Variants in RABGAP1L observed in about 807,000 individuals in gnomAD.
The protein encoded by RABGAP1L is RAB GTPase activating protein 1 like.
In RABGAP1L, 63 loss-of-function variants were observed where a neutral mutation model predicts 137.7. The observed-to-expected ratio is 0.46, with a 90% CI of 0.37 to 0.56. The LOEUF (loss-of-function observed/expected upper bound fraction) is 0.56. RABGAP1L is among the 20% of genes least tolerant of loss of function. RABGAP1L has a pLI of 0.00. For synonymous variants in RABGAP1L, 431 were observed against 433.7 expected, an observed-to-expected ratio of 0.99 and a Z score of 0.08; for missense variants, 1,095 against 1,244.0, an observed-to-expected ratio of 0.88 and a Z score of 1.80.
At position 174,838,917 on chromosome 1, in the gene RABGAP1L, CAAAAAAAAAAAAAAAAAAA is replaced by C. The variant is rs58265128; in HGVS notation, c.2340+26976_2340+26994del. ...TGGGCGACAAAGCGAGACTCCGTCT[CAAAAAAAAAAAAAAAAAAA>C]AAAAAAAAAAAAAAAAAATGACATG... is the stretch of plus-strand genomic sequence containing the variant. On this transcript the variant is annotated intron_variant, in intron 19 of 25. Transcript: ENST00000681986. 5.1e-3 allele frequency among the ~76,000 whole-genome samples: 115 copies of C among 22,458 alleles called. 1 individual carries two copies. The highest frequency in any genetic ancestry group is 9.8e-3 in the South Asian group (4 of 408). 14.7% of individuals were successfully genotyped at this position (22,458 alleles called of 152,430 possible).
chr1:174,200,128 A>G (rs1667996198), intron 1 of RABGAP1L, among the ~76,000 whole-genome samples: 1 of 152,214 alleles, frequency 6.6e-6, no homozygotes, highest in Non-Finnish European at 1.5e-5. Flanking sequence ...TTTTTCTTCC[A>G]TGTTAGACAG....
chr1:174,923,448 T>C (rs982809148), intron 19 of RABGAP1L, among the ~76,000 whole-genome samples: 1 of 152,192 alleles, frequency 6.6e-6, no homozygotes, highest in Non-Finnish European at 1.5e-5. Flanking sequence ...TGAAAGGTTT[T>C]AAACAGTTTA....
intron 11 of RABGAP1L, among the ~76,000 whole-genome samples, chr1:174,335,034 C>T (rs1681356140): frequency 6.6e-6 from 1 of 152,040 alleles, no homozygotes; most frequent in African/African-American, 2.4e-5. Context: ...CAGTTTTTCA[C>T]TATTTGATAT....
At position 174,327,984 on chromosome 1, in the gene RABGAP1L, C is replaced by CATATATATATAT. The variant is rs1314813386; in HGVS notation, c.1465+22858_1465+22859insTATATATATATA. Among the ~76,000 whole-genome samples the CATATATATATAT allele has an allele frequency of 3.4e-4, 13 of 37,856 alleles. 1 individual carries two copies. Among genetic ancestry groups the CATATATATATAT allele is most frequent in the African/African-American group, 1.2e-3 (11 of 9,174 alleles). The allele number at this position is 37,856 out of a possible 152,430, so 24.8% of individuals were successfully genotyped here. A position where few individuals can be genotyped will look rare whatever the true frequency, so the allele number is the denominator to read the frequency against. On this transcript the variant is annotated intron_variant, in intron 11 of 25. Transcript: ENST00000681986. ...ATATATATATATATATATATACACA[C>CATATATATATAT]ACATATATATATATATATATATATA...
At chr1:174,512,787 T>C (rs1192690218) in intron 13 of RABGAP1L, among the ~76,000 whole-genome samples, 3 of 152,194 alleles carry the variant, frequency 2.0e-5, no homozygotes, top group Non-Finnish European at 4.4e-5. Flanking sequence ...AAATGTGTAC[T>C]TTTCTGGAGC....
chr1:174,805,204 A>T (rs1308090476), intron 18 of RABGAP1L, among the ~76,000 whole-genome samples: 1 of 152,232 alleles, frequency 6.6e-6, no homozygotes, highest in Non-Finnish European at 1.5e-5. Flanking sequence ...AATTTGCTTA[A>T]TTCATATCAC....
chr1:174,949,493 G>A (rs1667402768), intron 19 of RABGAP1L, among the ~76,000 whole-genome samples: 1 of 152,216 alleles, frequency 6.6e-6, no homozygotes, highest in Non-Finnish European at 1.5e-5. Flanking sequence ...AGACAATGGT[G>A]ACTTGTGGGT....
At chr1:174,505,218 C>G (rs183896131) in intron 13 of RABGAP1L, among the ~76,000 whole-genome samples, 1 of 152,268 alleles carries the variant, frequency 6.6e-6, no homozygotes, top group East Asian at 1.9e-4. Context: ...CCTTGAGGAG[C>G]CTTACCTTTC....
At chr1:174,162,777 G>GTTTTTTTTTTTTTTTTTTTTTTTTTTCT (rs67811794) in intron 1 of RABGAP1L, among the ~76,000 whole-genome samples, 1 of 51,556 alleles carries the variant, frequency 1.9e-5, no homozygotes, top group African/African-American at 8.1e-5. Context: ...TTCTCTTTCT[G>GTTTTTTTTTTTTTTTTTTTTTTTTTTCT]TTTTTTTTTT....
chr1:174,964,438 G>A (rs890831595), intron 20 of RABGAP1L, among the ~76,000 whole-genome samples: 5 of 152,028 alleles, frequency 3.3e-5, no homozygotes, highest in South Asian at 2.1e-4. Flanking sequence ...AATAAATGAC[G>A]TTCACAATCC....
chr1:174,991,671 T>C lies in RABGAP1L; in HGVS notation c.*1670T>C, dbSNP rs975872822. On this transcript the variant is annotated 3_prime_UTR_variant, in exon 26 of 26. Coordinates refer to ENST00000681986, the MANE Select transcript of RABGAP1L (RefSeq NM_001366446.1). ...AATCTTTCATTGTTGTTCTGACATCTTTCATTACAAAATTTATTTTCTTAA... is the reference window on the plus strand; with the variant it reads ...AATCTTTCATTGTTGTTCTGACATCCTTCATTACAAAATTTATTTTCTTAA... The C allele has an allele frequency of 2.6e-5, 4 of 152,354 alleles. No individual in the cohort carries two copies. The highest frequency in any genetic ancestry group is 9.6e-5 in the African/African-American group (4 of 41,588). The allele number at this position is 152,354 out of a possible 1,614,324, so 9.4% of individuals were successfully genotyped here.
chr1:174,294,734 G>C (rs1182946052), intron 10 of RABGAP1L, among the ~76,000 whole-genome samples: 1 of 152,146 alleles, frequency 6.6e-6, no homozygotes, highest in East Asian at 1.9e-4. Flanking sequence ...AGACAAATTT[G>C]AGAGATGTTA....
intron 13 of RABGAP1L, among the ~76,000 whole-genome samples, chr1:174,464,209 G>A: frequency 6.6e-6 from 1 of 152,148 alleles, no homozygotes; most frequent in East Asian, 1.9e-4. Context: ...AAACCTTTGG[G>A]GTTTATTGCA....
chr1:174,870,647 C>G (rs571264500), intron 19 of RABGAP1L, among the ~76,000 whole-genome samples: 1 of 152,024 alleles, frequency 6.6e-6, no homozygotes, highest in South Asian at 2.1e-4. Flanking sequence ...ATTATGGTAT[C>G]TAGTTTATTG....
chr1:174,878,073 T>TA (rs1010343323), intron 19 of RABGAP1L, among the ~76,000 whole-genome samples: 5 of 152,066 alleles, frequency 3.3e-5, no homozygotes, highest in African/African-American at 7.2e-5. Flanking sequence ...TTAATATTTG[T>TA]AAAAAAAATT....
intron 13 of RABGAP1L, among the ~76,000 whole-genome samples, chr1:174,535,854 T>A (rs1455023937): frequency 3.3e-5 from 5 of 152,238 alleles, no homozygotes; most frequent in Non-Finnish European, 5.9e-5. Context: ...ATAGAAAAAT[T>A]GAGCATATTT....
Position 174,284,087 on chromosome 1 carries a change from C to T in RABGAP1L, c.1323+5308C>T, listed in dbSNP as rs193216364. ...AAATCAAGTTAGTTAACACATCTGT[C>T]ACCTCACGTAAGTTACCTTTTTGTG... On this transcript the variant is annotated intron_variant, in intron 10 of 25. Coordinates refer to ENST00000681986, the MANE Select transcript of RABGAP1L (RefSeq NM_001366446.1). Among the ~76,000 whole-genome samples, 46 of 152,304 alleles carry T rather than the reference C, an allele frequency of 3.0e-4. 1 individual carries two copies. Among genetic ancestry groups the T allele is most frequent in the Admixed American group, 3.0e-3 (46 of 15,298 alleles).
chr1:174,751,895 GT>G (rs905718512), intron 17 of RABGAP1L, among the ~76,000 whole-genome samples: 1 of 151,354 alleles, frequency 6.6e-6, no homozygotes, highest in Non-Finnish European at 1.5e-5. Context: ...ACACTGCCTT[GT>G]TTTTTTTTAT....
chr1:174,571,564 C>A (rs145547070), intron 13 of RABGAP1L, among the ~76,000 whole-genome samples: 1 of 151,718 alleles, frequency 6.6e-6, no homozygotes, highest in East Asian at 1.9e-4. Flanking sequence ...TGTGTACCCA[C>A]GAAATTAAAA....
Sources: gnomAD v4.1 joint callset for allele counts (sites outside exome capture counted in the v4.1 genomes callset) on GRCh38, gnomAD v4.1.1 for gene constraint, MANE v1.5 for transcripts, NCBI Gene and HGNC (gene_info 2026-07-23, HGNC 2026-07-21) for gene names.